The following SAMD12 variants were observed in gnomAD, a reference collection of about 807,000 sequenced individuals.
SAMD12 encodes sterile alpha motif domain-containing protein 12.
Under a neutral mutation model 15.0 loss-of-function variants are expected in SAMD12, and 9 were observed. That is an observed-to-expected ratio of 0.60 (90% confidence interval 0.36 to 1.05). The LOEUF is 1.05. Ranked by LOEUF, SAMD12 falls within the 50% of genes least tolerant of loss-of-function variation. The pLI is 0.01. For synonymous variants in SAMD12, 86 were observed against 90.1 expected (o/e 0.96, Z 0.25); for missense variants, 230 against 234.2 (o/e 0.98, Z 0.12).
At chr8:118,449,404 C>T (rs1385839907) in intron 2 of SAMD12, among the ~76,000 whole-genome samples, 1 of 151,764 alleles carries the variant, frequency 6.6e-6, no homozygotes, top group Non-Finnish European at 1.5e-5. Flanking sequence ...GAGCTGTAGG[C>T]ATTGTGAGAT....
chr8:118,486,175 G>A (rs530372710), intron 2 of SAMD12, among the ~76,000 whole-genome samples: 370 of 152,254 alleles, frequency 2.4e-3, no homozygotes, highest in South Asian at 0.02. Flanking sequence ...AGCACTTTGG[G>A]AGGCCAAGGC....
At chr8:118,482,144 C>A (rs939721648) in intron 2 of SAMD12, among the ~76,000 whole-genome samples, 2 of 152,166 alleles carry the variant, frequency 1.3e-5, no homozygotes, top group Admixed American at 6.5e-5. Context: ...TCATGAGCAT[C>A]TTTTTAATTC....
chr8:118,176,393 G>A, the SAMD12 span, among the ~76,000 whole-genome samples: 1 of 152,136 alleles, frequency 6.6e-6, no homozygotes, highest in African/African-American at 2.4e-5. Flanking sequence ...ATTCACTATG[G>A]CAAAGATATA....
chr8:118,295,646 ATT>A (rs34753693), intron 4 of SAMD12: 10,310 of 133,916 alleles, frequency 0.077, 617 homozygotes, highest in East Asian at 0.32. Flanking sequence ...GCTGTCACTG[ATT>A]TTTTTTTTTT....
intron 4 of SAMD12, among the ~76,000 whole-genome samples, chr8:118,302,600 G>A (rs1815107779): frequency 6.6e-6 from 1 of 152,122 alleles, no homozygotes. Context: ...ACTAATACCT[G>A]GAGTTCAGTC....
chr8:118,194,049 G>A (rs1819485244), exon 5 of SAMD12: 1 of 152,146 alleles, frequency 6.6e-6, no homozygotes, highest in African/African-American at 2.4e-5. Context: ...AATTCCTTGA[G>A]ACTTTTGTTG....
intron 4 of SAMD12, among the ~76,000 whole-genome samples, chr8:118,341,717 C>T (rs1031672435): frequency 1.3e-5 from 2 of 152,174 alleles, no homozygotes; most frequent in African/African-American, 4.8e-5. Context: ...AAAAGCCACA[C>T]CTCCAAATGC....
At chr8:118,525,715 C>T (rs1474394841) in intron 2 of SAMD12, among the ~76,000 whole-genome samples, 1 of 152,190 alleles carries the variant, frequency 6.6e-6, no homozygotes, top group Non-Finnish European at 1.5e-5. Context: ...CTTGAAATGT[C>T]TTTGACATTT....
intron 1 of SAMD12, among the ~76,000 whole-genome samples, chr8:118,593,930 TTTCATACACA>T (rs1346472803): frequency 1.1e-4 from 16 of 152,240 alleles, no homozygotes; most frequent in African/African-American, 3.9e-4. Flanking sequence ...CTGTTCTGAC[TTTCATACACA>T]TTCTAGACAG....
intron 4 of SAMD12, among the ~76,000 whole-genome samples, chr8:118,206,897 T>A (rs1368793902): frequency 2.6e-5 from 4 of 152,228 alleles, no homozygotes; most frequent in African/African-American, 9.6e-5. Context: ...AAGAAGTATG[T>A]CTCATTCTTC....
chr8:118,492,121 C>CTTTTTTTTT (rs1586760425), intron 2 of SAMD12, among the ~76,000 whole-genome samples: 3 of 112,580 alleles, frequency 2.7e-5, no homozygotes, highest in Non-Finnish European at 1.7e-5. Flanking sequence ...ACTGGTGTTG[C>CTTTTTTTTT]CTTTTTTTTT....
chr8:118,416,784 A>G (rs1821715892), intron 3 of SAMD12, among the ~76,000 whole-genome samples: 2 of 152,230 alleles, frequency 1.3e-5, no homozygotes, highest in Admixed American at 1.3e-4. Context: ...AATCCTTAGC[A>G]TCTATATGTA....
chr8:118,251,154 C>T (rs959210220), intron 4 of SAMD12, among the ~76,000 whole-genome samples: 1 of 152,030 alleles, frequency 6.6e-6, no homozygotes, highest in African/African-American at 2.4e-5. Flanking sequence ...GTCAAGTGGT[C>T]GTGGGTGAGG....
the SAMD12 span, among the ~76,000 whole-genome samples, chr8:118,161,561 TA>T: frequency 0.012 from 1,465 of 126,728 alleles, 10 homozygotes; most frequent in Non-Finnish European, 0.015. Flanking sequence ...TAAGACTGTC[TA>T]AAAAAAAAAA....
intron 4 of SAMD12, among the ~76,000 whole-genome samples, chr8:118,318,337 T>TATATATATATATATATAC (rs1816046172): frequency 1.0e-5 from 1 of 96,976 alleles, no homozygotes; most frequent in Non-Finnish European, 2.2e-5. Context: ...TATATATATA[T>TATATATATATATATATAC]ATATATATAT....
chr8:118,369,506 A>C (rs1212912197), intron 4 of SAMD12, among the ~76,000 whole-genome samples: 1 of 152,180 alleles, frequency 6.6e-6, no homozygotes, highest in East Asian at 1.9e-4. Context: ...GCCTGAGGTC[A>C]GGAGTTTGAG....
chr8:118,135,955 A>C, the SAMD12 span, among the ~76,000 whole-genome samples: 2 of 144,076 alleles, frequency 1.4e-5, no homozygotes, highest in African/African-American at 2.6e-5. Context: ...CTTCCTTCCC[A>C]CTCCCCCGCT....
intron 2 of SAMD12, among the ~76,000 whole-genome samples, chr8:118,542,966 G>A (rs1280416253): frequency 6.6e-6 from 1 of 151,848 alleles, no homozygotes; most frequent in Non-Finnish European, 1.5e-5. Flanking sequence ...ATAAAAGAGG[G>A]AATGGAAGAA....
At chr8:118,223,407 G>C (rs561236833) in intron 4 of SAMD12, among the ~76,000 whole-genome samples, 1 of 152,164 alleles carries the variant, frequency 6.6e-6, no homozygotes, top group Admixed American at 6.5e-5. Context: ...CTGACTCACT[G>C]AGCAACCATG....
Sources: gnomAD v4.1 joint callset for allele counts (sites outside exome capture counted in the v4.1 genomes callset) on GRCh38, gnomAD v4.1.1 for gene constraint, MANE v1.5 for transcripts, NCBI Gene and HGNC (gene_info 2026-07-23, HGNC 2026-07-21) for gene names.